Variants in RPH3A observed in about 807,000 individuals in gnomAD.
RPH3A encodes the protein rabphilin-3A.
Under a neutral mutation model 102.2 loss-of-function variants are expected in RPH3A, and 48 were observed. The ratio of observed to expected loss-of-function variants is 0.47; its 90% CI spans 0.37 to 0.60. The LOEUF (loss-of-function observed/expected upper bound fraction) is 0.60, where lower values mean the gene tolerates loss of function less well. Among genes scored for constraint, RPH3A ranks in the 20% least tolerant of loss-of-function variants. The pLI is 0.00. For missense variants in RPH3A, 781 were observed against 910.1 expected (o/e 0.86, Z 1.83); for synonymous variants, 310 against 324.3 (o/e 0.96, Z 0.47).
At chr12:112,735,954 C>T (rs974692660) in intron 1 of RPH3A, among the ~76,000 whole-genome samples, 15 of 152,226 alleles carry the variant, frequency 9.9e-5, no homozygotes, top group African/African-American at 3.6e-4. Context: ...GGAGGACATC[C>T]TGAGACATGT....
intron 1 of RPH3A, among the ~76,000 whole-genome samples, chr12:112,712,822 C>A (rs2040472115): frequency 6.6e-6 from 1 of 151,930 alleles, no homozygotes. Flanking sequence ...TGTGATCCTC[C>A]CATCTCAGCC....
At chr12:112,761,028 C>A (rs144301121) in intron 1 of RPH3A, among the ~76,000 whole-genome samples, 4 of 151,900 alleles carry the variant, frequency 2.6e-5, no homozygotes, top group Non-Finnish European at 5.9e-5. Context: ...CTGGGTCATA[C>A]AAATAATTAG....
chr12:112,657,868 C>T (rs1303369636), intron 1 of RPH3A, among the ~76,000 whole-genome samples: 1 of 152,110 alleles, frequency 6.6e-6, no homozygotes. Flanking sequence ...GGGAAAGTGA[C>T]ATTTGAGCAA....
chr12:112,863,160 G>A (rs2042550342), intron 5 of RPH3A, among the ~76,000 whole-genome samples: 1 of 152,206 alleles, frequency 6.6e-6, no homozygotes, highest in African/African-American at 2.4e-5. Flanking sequence ...GGCATCATGT[G>A]CCACCACCTG....
chr12:112,796,402 G>T (rs2041230601), intron 2 of RPH3A, among the ~76,000 whole-genome samples: 1 of 152,206 alleles, frequency 6.6e-6, no homozygotes, highest in Non-Finnish European at 1.5e-5. Context: ...AAGGGCCAAG[G>T]CTGTGATATC....
intron 19 of RPH3A, among the ~76,000 whole-genome samples, chr12:112,891,823 A>C (rs145170457): frequency 1.3e-5 from 2 of 152,348 alleles, no homozygotes; most frequent in African/African-American, 4.8e-5. Flanking sequence ...CAAGCACTGC[A>C]TCCAGGGCCT....
chr12:112,860,118 A>T (rs1168031665), intron 5 of RPH3A, among the ~76,000 whole-genome samples: 1 of 152,200 alleles, frequency 6.6e-6, no homozygotes, highest in East Asian at 1.9e-4. Context: ...GTCCACCATG[A>T]CCCAATTTTG....
At chr12:112,621,464 C>T (rs1283370833) in intron 1 of RPH3A, among the ~76,000 whole-genome samples, 7 of 147,744 alleles carry the variant, frequency 4.7e-5, no homozygotes, top group South Asian at 2.3e-4. Flanking sequence ...CCTGGAAAAT[C>T]GGGTCACTCC....
At chr12:112,617,488 A>T (rs1429852073) in intron 1 of RPH3A, among the ~76,000 whole-genome samples, 1 of 152,170 alleles carries the variant, frequency 6.6e-6, no homozygotes, top group Non-Finnish European at 1.5e-5. Context: ...CTGTTCATTT[A>T]TTCCCCAGAT....
At chr12:112,618,949 A>G (rs1378155752) in intron 1 of RPH3A, among the ~76,000 whole-genome samples, 1 of 152,192 alleles carries the variant, frequency 6.6e-6, no homozygotes, top group Non-Finnish European at 1.5e-5. Flanking sequence ...ATGGAATAAT[A>G]TAATATTTGT....
At chr12:112,644,941 C>A (rs951053171) in intron 1 of RPH3A, among the ~76,000 whole-genome samples, 8 of 152,174 alleles carry the variant, frequency 5.3e-5, no homozygotes, top group Non-Finnish European at 1.2e-4. Context: ...AGAGACCAAG[C>A]TTTGATCACA....
intron 4 of RPH3A, among the ~76,000 whole-genome samples, chr12:112,842,755 CA>C (rs1348016969): frequency 6.6e-6 from 1 of 152,238 alleles, no homozygotes; most frequent in Non-Finnish European, 1.5e-5. Context: ...AAAGTTAGGG[CA>C]TCCTGGTAGA....
At position 112,612,634 on chromosome 12, in the gene RPH3A, G is replaced by A. The variant is rs140073842; in HGVS notation, c.-140+37315G>A. Among the ~76,000 whole-genome samples the A allele has an allele frequency of 4.4e-4, 64 of 146,952 alleles. 3 individuals are homozygous for A. In the East Asian group the frequency reaches 0.012, roughly 27 times the overall value. ...GGCTGGAGTGCAATGACGTGATCTC[G>A]GCTCCCTGCAACCTCAACTTCCTGG... On this transcript the variant is annotated intron_variant, in intron 1 of 21. Coordinates refer to the RPH3A transcript ENST00000543106.
At chr12:112,793,306 T>C (rs1040082991) in intron 2 of RPH3A, among the ~76,000 whole-genome samples, 3 of 152,262 alleles carry the variant, frequency 2.0e-5, no homozygotes, top group Non-Finnish European at 2.9e-5. Flanking sequence ...TGGAAATGAA[T>C]GCCCTTGTTT....
rs1182219846 is a variant in RPH3A at position 112,880,734 on chromosome 12, C to CTGT, written c.1252-1035_1252-1033dup. ...TAAAAACTTAACTACTATTAGCCTA[C>CTGT]TGTTGCCTGGAAGCCTTCCTGACAA... On this transcript the variant is annotated intron_variant, in intron 14 of 21. Transcript: ENST00000389385. Among the ~76,000 whole-genome samples the CTGT allele has an allele frequency of 2.0e-5, 3 of 152,206 alleles. No homozygotes were observed. In the East Asian group the frequency reaches 5.8e-4, roughly 29 times the overall value.
intron 1 of RPH3A, among the ~76,000 whole-genome samples, chr12:112,719,420 T>C (rs528681873): frequency 6.6e-6 from 1 of 152,298 alleles, no homozygotes; most frequent in Admixed American, 6.5e-5. Flanking sequence ...AGCTGGGATA[T>C]TTATGCACCA....
intron 1 of RPH3A, among the ~76,000 whole-genome samples, chr12:112,678,132 G>A (rs758787057): frequency 4.5e-4 from 69 of 151,834 alleles, no homozygotes; most frequent in Non-Finnish European, 7.8e-4. Context: ...GGAAGGCGGA[G>A]GTTGCAGTGA....
chr12:112,593,010 C>G (rs1288508235), intron 1 of RPH3A, among the ~76,000 whole-genome samples: 1 of 152,204 alleles, frequency 6.6e-6, no homozygotes, highest in South Asian at 2.1e-4. Context: ...AACATTATGT[C>G]TCCCTAACTT....
At chr12:112,815,337 AT>A (rs1827030801) in intron 2 of RPH3A, among the ~76,000 whole-genome samples, 1 of 152,252 alleles carries the variant, frequency 6.6e-6, no homozygotes, top group Non-Finnish European at 1.5e-5. Flanking sequence ...GCAAATTAAT[AT>A]GTTTAACCCA....
Sources: gnomAD v4.1 joint callset for allele counts (sites outside exome capture counted in the v4.1 genomes callset) on GRCh38, gnomAD v4.1.1 for gene constraint, MANE v1.5 for transcripts, NCBI Gene and HGNC (gene_info 2026-07-23, HGNC 2026-07-21) for gene names.